SAXO1: variants seen among roughly 807,000 people sequenced by gnomAD.
SAXO1 encodes the protein 4930500O09Rik.
Under a neutral mutation model 17.5 loss-of-function variants are expected in SAXO1, and 21 were observed. The observed-to-expected ratio is 1.20, with a 90% CI of 0.85 to 1.72. SAXO1 has a LOEUF of 1.72. Among genes scored for constraint, SAXO1 ranks in the 40% most tolerant of loss-of-function variants. SAXO1 has a pLI of 0.00. For missense variants in SAXO1, 843 were observed against 596.0 expected (o/e 1.41, Z -4.32); for synonymous variants, 274 against 216.5 (o/e 1.27, Z -2.33).
intron 1 of SAXO1, among the ~76,000 whole-genome samples, chr9:19,040,358 G>T (rs899597622): frequency 1.3e-5 from 2 of 152,098 alleles, no homozygotes; most frequent in African/African-American, 4.8e-5. Context: ...AAAGATGTTA[G>T]AAAATGTTTT....
At chr9:19,028,561 A>C (rs1835616288) in intron 1 of SAXO1, among the ~76,000 whole-genome samples, 2 of 152,230 alleles carry the variant, frequency 1.3e-5, no homozygotes, top group Admixed American at 1.3e-4. Flanking sequence ...TAGTTTCAAA[A>C]AAAATTTAGA....
Position 18,977,303 on chromosome 9 carries a change from A to G in SAXO1, c.39-26366T>C, listed in dbSNP as rs899516400. 1.6e-3 allele frequency among the ~76,000 whole-genome samples: 246 copies of G among 152,298 alleles called. 3 individuals carry two copies. The highest frequency in any genetic ancestry group is 5.7e-3 in the African/African-American group (236 of 41,550). ...TCTGCCATACTTCAGTGTCTCCCTT[A>G]TAGCAGGCTCACTAGTAATAATTTT... On this transcript the variant is annotated intron_variant, in intron 1 of 3. Transcript: ENST00000380534.
intron 3 of SAXO1, among the ~76,000 whole-genome samples, chr9:18,936,278 A>T (rs1300572203): frequency 6.6e-6 from 1 of 152,184 alleles, no homozygotes; most frequent in African/African-American, 2.4e-5. Context: ...AAGAGCCATT[A>T]ACGGCTCTAT....
intron 1 of SAXO1, among the ~76,000 whole-genome samples, chr9:19,044,588 G>C (rs1183274574): frequency 1.3e-5 from 2 of 152,196 alleles, no homozygotes; most frequent in African/African-American, 4.8e-5. Flanking sequence ...AATCCGGCGG[G>C]CGCGGTAGCT....
At chr9:18,953,600 G>C (rs1832126475) in intron 1 of SAXO1, among the ~76,000 whole-genome samples, 1 of 152,074 alleles carries the variant, frequency 6.6e-6, no homozygotes, top group South Asian at 2.1e-4. Flanking sequence ...TGTGCTCATG[G>C]AGTCATCTCC....
chr9:18,973,081 G>A (rs924662202), intron 1 of SAXO1, among the ~76,000 whole-genome samples: 3 of 152,192 alleles, frequency 2.0e-5, no homozygotes, highest in Non-Finnish European at 4.4e-5. Context: ...TCAGAACACT[G>A]GAAAATAGGC....
chr9:18,932,590 G>T (rs923992133), intron 3 of SAXO1, among the ~76,000 whole-genome samples: 2 of 152,318 alleles, frequency 1.3e-5, no homozygotes, highest in East Asian at 3.9e-4. Flanking sequence ...CTGAGATTTT[G>T]ATAGGAATTG....
chr9:18,959,838 T>G (rs951117627), intron 1 of SAXO1, among the ~76,000 whole-genome samples: 1 of 151,348 alleles, frequency 6.6e-6, no homozygotes, highest in Non-Finnish European at 1.5e-5. Flanking sequence ...AAGGGGATGT[T>G]AAAGAGCTGC....
intron 3 of SAXO1, 66 bp from the exon 4 acceptor site, chr9:18,929,121 G>C (rs1830924069): frequency 2.6e-6 from 4 of 1,548,464 alleles, no homozygotes; most frequent in Non-Finnish European, 3.5e-6. Flanking sequence ...ATATTCTACA[G>C]AGCCCCAAGG....
At chr9:18,943,649 G>C (rs368656946) in intron 2 of SAXO1, among the ~76,000 whole-genome samples, 10 of 152,330 alleles carry the variant, frequency 6.6e-5, no homozygotes, top group African/African-American at 2.4e-4. Flanking sequence ...GGATGGACAG[G>C]TTTCAAGGCA....
At chr9:18,951,780 CTACACTGTACGTG>C in intron 1 of SAXO1, among the ~76,000 whole-genome samples, 1 of 152,190 alleles carries the variant, frequency 6.6e-6, no homozygotes, top group South Asian at 2.1e-4. Flanking sequence ...TTGTTCACTG[CTACACTGTACGTG>C]TACACTGTAC....
intron 1 of SAXO1, among the ~76,000 whole-genome samples, chr9:19,047,689 G>C (rs10963930): frequency 0.11 from 16,156 of 152,214 alleles, 941 homozygotes; most frequent in Non-Finnish European, 0.12. Context: ...TGGAGCAACA[G>C]AGCAATGCCT....
chr9:18,949,544 G>C (rs998968389), intron 2 of SAXO1, among the ~76,000 whole-genome samples: 1 of 152,154 alleles, frequency 6.6e-6, no homozygotes, highest in Non-Finnish European at 1.5e-5. Context: ...CCCCTGTCCA[G>C]TGGTTTCCAC....
chr9:18,981,597 C>T (rs966318668), intron 1 of SAXO1, among the ~76,000 whole-genome samples: 1 of 152,158 alleles, frequency 6.6e-6, no homozygotes, highest in Non-Finnish European at 1.5e-5. Context: ...ATCCACTCTC[C>T]TTTTCTGTGC....
intron 1 of SAXO1, among the ~76,000 whole-genome samples, chr9:18,993,138 A>C (rs1306146844): frequency 1.3e-5 from 2 of 151,404 alleles, no homozygotes; most frequent in Admixed American, 6.6e-5. Context: ...GTTCTGGGAT[A>C]TATGTGCAGA....
intron 1 of SAXO1, among the ~76,000 whole-genome samples, chr9:18,987,710 G>T (rs1833652379): frequency 6.6e-6 from 1 of 152,032 alleles, no homozygotes; most frequent in Admixed American, 6.6e-5. Context: ...GCCAGCCTGG[G>T]CAACAGAGGG....
intron 1 of SAXO1, among the ~76,000 whole-genome samples, chr9:18,973,170 G>A (rs368752834): frequency 6.6e-6 from 1 of 152,126 alleles, no homozygotes; most frequent in African/African-American, 2.4e-5. Flanking sequence ...CAAAAATAAC[G>A]TGTTTTTATT....
intron 1 of SAXO1, among the ~76,000 whole-genome samples, chr9:19,015,076 C>T (rs1390590149): frequency 6.6e-6 from 1 of 152,114 alleles, no homozygotes; most frequent in South Asian, 2.1e-4. Context: ...GCTGGTGTCA[C>T]GTGTCAAAGC....
chr9:19,044,533 G>A (rs1004644777), intron 1 of SAXO1, among the ~76,000 whole-genome samples: 1 of 152,176 alleles, frequency 6.6e-6, no homozygotes, highest in African/African-American at 2.4e-5. Context: ...AAGCGGGAAT[G>A]CACAAACAAG....
Sources: gnomAD v4.1 joint callset for allele counts (sites outside exome capture counted in the v4.1 genomes callset) on GRCh38, gnomAD v4.1.1 for gene constraint, MANE v1.5 for transcripts, NCBI Gene and HGNC (gene_info 2026-07-23, HGNC 2026-07-21) for gene names.